Variants in RORA observed in about 807,000 individuals in gnomAD.
RORA encodes RAR related orphan receptor A, also known as nuclear receptor ROR-alpha.
A neutral mutation model predicts 69.5 loss-of-function variants in RORA; 7 were observed. The observed-to-expected ratio is 0.10, with a 90% CI of 0.06 to 0.19. The LOEUF (loss-of-function observed/expected upper bound fraction) is 0.19. RORA is among the 10% of genes least tolerant of loss of function. The pLI is 1.00. For missense variants in RORA, 457 were observed against 663.0 expected (o/e 0.69, Z 3.41); for synonymous variants, 261 against 240.8 (o/e 1.08, Z -0.78).
chr15:60,722,866 T>G (rs1352780607), intron 1 of RORA, among the ~76,000 whole-genome samples: 5 of 152,192 alleles, frequency 3.3e-5, no homozygotes, highest in Admixed American at 3.3e-4. Flanking sequence ...TCTCCACGTC[T>G]CACAAACACC....
At chr15:60,834,058 G>T (rs1252621676) in intron 1 of RORA, among the ~76,000 whole-genome samples, 2 of 152,190 alleles carry the variant, frequency 1.3e-5, no homozygotes, top group Non-Finnish European at 2.9e-5. Flanking sequence ...CCACAGTGCT[G>T]GGGATGTAGT....
Position 60,710,594 on chromosome 15 carries a change from T to C in RORA, c.167-31908A>G, listed in dbSNP as rs538424112. On this transcript the variant is annotated intron_variant, in intron 1 of 10. Coordinates refer to ENST00000335670, the MANE Select transcript of RORA (RefSeq NM_134261.3). ...GATAAGTAACCCGTCTAAGATGTGG[T>C]GCAGGATATGTTCAAGTCTCAACCC... Among the ~76,000 whole-genome samples the C allele has an allele frequency of 8.6e-4, 131 of 152,330 alleles. 2 individuals are homozygous for C. Among genetic ancestry groups the C allele is most frequent in the African/African-American group, 3.1e-3 (128 of 41,580 alleles).
intron 1 of RORA, among the ~76,000 whole-genome samples, chr15:60,993,303 C>T (rs1028291043): frequency 6.6e-6 from 1 of 152,030 alleles, no homozygotes; most frequent in Non-Finnish European, 1.5e-5. Flanking sequence ...TATTACTGTC[C>T]CCCTTTTATA....
chr15:60,973,491 C>T (rs927444700), intron 1 of RORA, among the ~76,000 whole-genome samples: 2 of 152,206 alleles, frequency 1.3e-5, no homozygotes, highest in African/African-American at 4.8e-5. Flanking sequence ...TCGCCCAGTG[C>T]TCTGAAAATG....
At chr15:60,731,277 C>A (rs901853843) in intron 1 of RORA, among the ~76,000 whole-genome samples, 2 of 152,184 alleles carry the variant, frequency 1.3e-5, no homozygotes, top group African/African-American at 4.8e-5. Flanking sequence ...AATAAAAATT[C>A]ATTCCTTTGG....
At chr15:60,514,086 C>T (rs1194533630) in intron 4 of RORA, among the ~76,000 whole-genome samples, 4 of 152,184 alleles carry the variant, frequency 2.6e-5, no homozygotes, top group Non-Finnish European at 5.9e-5. Context: ...ATGAAAAGAA[C>T]ACTTGTCATT....
intron 1 of RORA, among the ~76,000 whole-genome samples, chr15:60,872,109 G>A (rs1379961918): frequency 6.6e-6 from 1 of 150,476 alleles, no homozygotes; most frequent in East Asian, 1.9e-4. Context: ...AAGCAAGTGT[G>A]CCATAGCAAA....
chr15:61,145,669 A>T (rs2079339261), intron 1 of RORA, among the ~76,000 whole-genome samples: 1 of 152,214 alleles, frequency 6.6e-6, no homozygotes, highest in Admixed American at 6.5e-5. Context: ...TCTCCTTTTG[A>T]ATACACTTCA....
intron 1 of RORA, among the ~76,000 whole-genome samples, chr15:60,850,113 C>T (rs944129218): frequency 6.6e-6 from 1 of 152,188 alleles, no homozygotes; most frequent in Non-Finnish European, 1.5e-5. Context: ...GGAGGAGAAT[C>T]AACAGTCCGT....
chr15:61,159,068 A>C (rs935038135), intron 1 of RORA, among the ~76,000 whole-genome samples: 1 of 152,192 alleles, frequency 6.6e-6, no homozygotes, highest in African/African-American at 2.4e-5. Flanking sequence ...ACATAGGTAG[A>C]TATAAATAGA....
At chr15:61,156,716 C>T (rs1288478218) in intron 1 of RORA, among the ~76,000 whole-genome samples, 2 of 152,222 alleles carry the variant, frequency 1.3e-5, no homozygotes, top group Admixed American at 6.5e-5. Context: ...TAAAACTTGA[C>T]GTCTTCTCCA....
intron 1 of RORA, among the ~76,000 whole-genome samples, chr15:61,222,037 A>G (rs1596083018): frequency 6.6e-6 from 1 of 152,294 alleles, no homozygotes; most frequent in South Asian, 2.1e-4. Flanking sequence ...ATTCTAGGCT[A>G]GGAGATTATA....
chr15:61,114,330 C>G (rs2079032107), intron 1 of RORA, among the ~76,000 whole-genome samples: 1 of 152,128 alleles, frequency 6.6e-6, no homozygotes. Context: ...ATTTAATGCT[C>G]AGGTAAGTTT....
chr15:61,198,529 G>T (rs2079865117), intron 1 of RORA, among the ~76,000 whole-genome samples: 1 of 152,136 alleles, frequency 6.6e-6, no homozygotes, highest in African/African-American at 2.4e-5. Context: ...AAACTAGACT[G>T]AACAGAAATT....
chr15:60,621,007 C>T (rs186452325), intron 2 of RORA, among the ~76,000 whole-genome samples: 38 of 152,324 alleles, frequency 2.5e-4, no homozygotes, highest in Admixed American at 7.2e-4. Flanking sequence ...AGTCTATACA[C>T]GCTTCCTGCG....
At chr15:61,188,139 C>T (rs2079762128) in intron 1 of RORA, among the ~76,000 whole-genome samples, 1 of 152,122 alleles carries the variant, frequency 6.6e-6, no homozygotes, top group African/African-American at 2.4e-5. Flanking sequence ...GTCTGGGCTT[C>T]AAAGAGGTTT....
chr15:60,592,317 C>T, intron 2 of RORA: 4 of 1,170,352 alleles, frequency 3.4e-6, no homozygotes, highest in Non-Finnish European at 4.4e-6. Flanking sequence ...CACCCCTCCC[C>T]CTGCGCGCCC....
rs1382104305 is a variant in RORA at position 60,493,298 on chromosome 15, AC to A, written c.*4156del. ...TCCTTAGCCAAAAACAAAAGGCAAAACAAAAAAAACCAAAAAACAAAAAAAC... is the reference window on the plus strand; with the variant it reads ...TCCTTAGCCAAAAACAAAAGGCAAAAAAAAAAAACCAAAAAACAAAAAAAC... On this transcript the variant is annotated 3_prime_UTR_variant, in exon 11 of 11. Coordinates refer to ENST00000335670, the MANE Select transcript of RORA (RefSeq NM_134261.3). The A allele has an allele frequency of 1.3e-5, 2 of 152,260 alleles. No homozygotes were observed. Among genetic ancestry groups the A allele is most frequent in the East Asian group, 3.9e-4 (2 of 5,184 alleles). The allele number at this position is 152,260 out of a possible 1,614,324, so 9.4% of individuals were successfully genotyped here.
At chr15:61,023,084 A>T (rs1038769896) in intron 1 of RORA, among the ~76,000 whole-genome samples, 9 of 146,048 alleles carry the variant, frequency 6.2e-5, no homozygotes, top group Admixed American at 2.9e-4. Flanking sequence ...GCTACTCGGG[A>T]GGCTGAGGCA....
Sources: allele counts gnomAD v4.1 joint callset (sites outside exome capture counted in the v4.1 genomes callset), GRCh38; gene constraint gnomAD v4.1.1; transcripts MANE v1.5; gene names NCBI Gene and HGNC (gene_info 2026-07-23, HGNC 2026-07-21).